The following IKZF2 variants were observed in gnomAD, a reference collection of about 807,000 sequenced individuals.
IKZF2 encodes IKAROS family zinc finger 2.
Under a neutral mutation model 49.2 loss-of-function variants are expected in IKZF2, and 15 were observed. That is an observed-to-expected ratio of 0.30 (90% confidence interval 0.20 to 0.47). IKZF2 has a LOEUF of 0.47. Among genes scored for constraint, IKZF2 ranks in the 20% least tolerant of loss-of-function variants. The probability of loss-of-function intolerance (pLI) is 1.00; values close to 1 mark genes in which losing one functional copy is unlikely to be tolerated. For missense variants in IKZF2, 567 were observed against 664.6 expected (o/e 0.85, Z 1.61); for synonymous variants, 227 against 221.4 (o/e 1.03, Z -0.23).
intron 4 of IKZF2, among the ~76,000 whole-genome samples, chr2:213,134,334 A>G (rs2060580640): frequency 6.6e-6 from 1 of 152,154 alleles, no homozygotes; most frequent in Non-Finnish European, 1.5e-5. Flanking sequence ...CCCCCTTCCA[A>G]TCTCCTTTCC....
At chr2:213,060,988 T>G (rs1191785761) in intron 4 of IKZF2, among the ~76,000 whole-genome samples, 1 of 151,490 alleles carries the variant, frequency 6.6e-6, no homozygotes, top group Admixed American at 6.6e-5. Context: ...ATATAAACAT[T>G]TTCATGAATT....
chr2:213,053,490 G>A (rs767089343), intron 5 of IKZF2, among the ~76,000 whole-genome samples: 24 of 152,110 alleles, frequency 1.6e-4, no homozygotes, highest in Non-Finnish European at 3.2e-4. Flanking sequence ...GTGAATCAAA[G>A]ACAGAGGGTG....
intron 7 of IKZF2, among the ~76,000 whole-genome samples, chr2:213,018,536 C>G (rs1478472470): frequency 6.6e-6 from 1 of 152,088 alleles, no homozygotes; most frequent in Non-Finnish European, 1.5e-5. Flanking sequence ...CCCCCTGCCC[C>G]AGGTAGGCAT....
intron 6 of IKZF2, among the ~76,000 whole-genome samples, chr2:213,040,117 A>T (rs1457067486): frequency 6.6e-6 from 1 of 152,112 alleles, no homozygotes; most frequent in Non-Finnish European, 1.5e-5. Flanking sequence ...CTTAGCCAAA[A>T]TTGAATTTTT....
At chr2:213,060,420 A>C (rs1701573831) in intron 4 of IKZF2, among the ~76,000 whole-genome samples, 1 of 151,420 alleles carries the variant, frequency 6.6e-6, no homozygotes. Context: ...TAATATTCAG[A>C]GTGCTTTACT....
intron 4 of IKZF2, among the ~76,000 whole-genome samples, chr2:213,059,758 T>G (rs1180535858): frequency 1.3e-5 from 2 of 151,510 alleles, no homozygotes; most frequent in Non-Finnish European, 3.0e-5. Flanking sequence ...ATTGGGAAAT[T>G]AAAACATAAC....
In IKZF2 at chr2:213,001,957, A is replaced by G. The variant is rs546362142; in HGVS notation, c.*5403T>C. The G allele has an allele frequency of 6.6e-6, 1 of 151,738 alleles. No homozygotes were observed. The highest frequency in any genetic ancestry group is 1.9e-4 in the East Asian group (1 of 5,158). 9.4% of individuals were successfully genotyped at this position (151,738 alleles called of 1,614,324 possible). ...CAGTGTAGTCATTTTTTAAAAAATC[A>G]ATTTCCAGTAAATTAAAGTAAGTAA... is the stretch of plus-strand genomic sequence containing the variant. On this transcript the variant is annotated 3_prime_UTR_variant, in exon 9 of 9. Transcript: ENST00000434687.
chr2:213,097,473 T>A (rs539242769), intron 4 of IKZF2, among the ~76,000 whole-genome samples: 1 of 152,258 alleles, frequency 6.6e-6, no homozygotes, highest in South Asian at 2.1e-4. Context: ...TTTAAAATCC[T>A]AACATTCACT....
At chr2:213,145,389 A>C (rs2061018159) in intron 4 of IKZF2, among the ~76,000 whole-genome samples, 1 of 152,008 alleles carries the variant, frequency 6.6e-6, no homozygotes, top group African/African-American at 2.4e-5. Flanking sequence ...GATATTAAAA[A>C]ATGCAGAAAA....
intron 6 of IKZF2, among the ~76,000 whole-genome samples, chr2:213,023,147 A>G (rs1024372571): frequency 6.6e-6 from 1 of 152,172 alleles, no homozygotes; most frequent in African/African-American, 2.4e-5. Context: ...TTTGACTCCC[A>G]GAGGAATTAT....
intron 7 of IKZF2, among the ~76,000 whole-genome samples, chr2:213,018,944 T>C (rs1696900600): frequency 3.9e-5 from 6 of 152,176 alleles, no homozygotes; most frequent in Admixed American, 3.9e-4. Flanking sequence ...CAGAGAACTG[T>C]GTATGCATCC....
At chr2:213,011,046 T>C (rs1402606117) in intron 8 of IKZF2, among the ~76,000 whole-genome samples, 1 of 152,082 alleles carries the variant, frequency 6.6e-6, no homozygotes, top group Non-Finnish European at 1.5e-5. Flanking sequence ...TAGTGGCAGA[T>C]ACTCTCTAGG....
chr2:213,008,195 T>C (rs1695560029), intron 8 of IKZF2, 111 bp from the exon 9 acceptor site: 7 of 1,266,168 alleles, frequency 5.5e-6, no homozygotes, highest in Middle Eastern at 5.4e-4. Context: ...CCTCCATTTT[T>C]CATAATTTGG....
chr2:213,050,081 C>T (rs1225949914), intron 5 of IKZF2, among the ~76,000 whole-genome samples: 1 of 152,070 alleles, frequency 6.6e-6, no homozygotes, highest in African/African-American at 2.4e-5. Context: ...TGATCTTTCC[C>T]CTTTTATGTA....
At chr2:213,013,753 T>A in intron 8 of IKZF2, 38 bp downstream of exon 8, 1 of 1,578,278 alleles carries the variant, frequency 6.3e-7, no homozygotes, top group Non-Finnish European at 8.6e-7. Context: ...CCTATTAACA[T>A]CACCTTGCAA....
intron 4 of IKZF2, among the ~76,000 whole-genome samples, chr2:213,065,892 T>C (rs9288465): frequency 0.4 from 60,612 of 151,940 alleles, 12,754 homozygotes; most frequent in African/African-American, 0.44. Context: ...CAATCTGATA[T>C]GTTTTTTACT....
At chr2:213,125,042 A>C (rs2060213249) in intron 4 of IKZF2, among the ~76,000 whole-genome samples, 1 of 152,236 alleles carries the variant, frequency 6.6e-6, no homozygotes, top group East Asian at 1.9e-4. Flanking sequence ...TCTTGATATA[A>C]GAATTCAGAT....
intron 6 of IKZF2, among the ~76,000 whole-genome samples, chr2:213,029,755 CATT>C (rs945240187): frequency 2.0e-5 from 3 of 152,046 alleles, no homozygotes; most frequent in Non-Finnish European, 4.4e-5. Context: ...GGGCACAAAT[CATT>C]ATTAAGTTGT....
At chr2:213,033,832 C>A (rs532049235) in intron 6 of IKZF2, among the ~76,000 whole-genome samples, 1 of 143,664 alleles carries the variant, frequency 7.0e-6, no homozygotes, top group South Asian at 2.1e-4. Flanking sequence ...GCTGCATTGT[C>A]CTACCAAGAG....
Sources: gnomAD v4.1 joint callset for allele counts (sites outside exome capture counted in the v4.1 genomes callset) on GRCh38, gnomAD v4.1.1 for gene constraint, MANE v1.5 for transcripts, NCBI Gene and HGNC (gene_info 2026-07-23, HGNC 2026-07-21) for gene names.